CLIP2: variants seen among roughly 807,000 people sequenced by gnomAD.
CLIP2 encodes the protein CAP-Gly domain containing linker protein 2, also known as CAP-Gly domain-containing linker protein 2.
In CLIP2, 41 loss-of-function variants were observed where a neutral mutation model predicts 111.7. That is an observed-to-expected ratio of 0.37 (90% CI 0.29 to 0.48). CLIP2 has a LOEUF of 0.48. Among genes scored for constraint, CLIP2 ranks in the 20% least tolerant of loss-of-function variants. The pLI, the probability that CLIP2 is intolerant of heterozygous loss-of-function variation, is 0.99. For missense variants in CLIP2, 1,160 were observed against 1,422.1 expected, an observed-to-expected ratio of 0.82 and a Z score of 2.96; for synonymous variants, 660 against 644.2, an observed-to-expected ratio of 1.02 and a Z score of -0.37.
At chr7:74,344,506 C>G (rs936447489) in intron 3 of CLIP2, among the ~76,000 whole-genome samples, 1 of 152,078 alleles carries the variant, frequency 6.6e-6, no homozygotes, top group South Asian at 2.1e-4. Flanking sequence ...CTCAACTTCT[C>G]GAGAATCTGG....
intron 1 of CLIP2, among the ~76,000 whole-genome samples, chr7:74,312,941 C>T (rs782657840): frequency 3.9e-5 from 6 of 151,954 alleles, no homozygotes; most frequent in Non-Finnish European, 7.4e-5. Flanking sequence ...ACATTCCTGA[C>T]GCGAGCATTG....
chr7:74,300,726 G>T (rs1239236891), intron 1 of CLIP2, among the ~76,000 whole-genome samples: 1 of 152,172 alleles, frequency 6.6e-6, no homozygotes, highest in Non-Finnish European at 1.5e-5. Context: ...AAAGTGCTGG[G>T]ATTACAGGCG....
At chr7:74,301,153 G>C (rs1222996380) in intron 1 of CLIP2, among the ~76,000 whole-genome samples, 1 of 152,102 alleles carries the variant, frequency 6.6e-6, no homozygotes, top group South Asian at 2.1e-4. Context: ...ATCTCATTGT[G>C]ATTTTAATTT....
intron 2 of CLIP2, among the ~76,000 whole-genome samples, chr7:74,324,822 A>G (rs1789067879): frequency 6.7e-6 from 1 of 149,958 alleles, no homozygotes; most frequent in African/African-American, 2.5e-5. Context: ...TCTTGAGAAA[A>G]AAAAAAAAAA....
chr7:74,368,179 C>T (rs1554311169), intron 8 of CLIP2, among the ~76,000 whole-genome samples: 2 of 151,714 alleles, frequency 1.3e-5, no homozygotes, highest in African/African-American at 4.8e-5. Context: ...CACCACTGTA[C>T]TCCAGCCTGG....
At chr7:74,388,476 G>A (rs1554315224) in intron 12 of CLIP2, among the ~76,000 whole-genome samples, 4 of 149,286 alleles carry the variant, frequency 2.7e-5, no homozygotes, top group African/African-American at 4.9e-5. Flanking sequence ...CTCCTGGGCC[G>A]ACAATAGCAA....
In CLIP2 at chr7:74,289,412, T is replaced by C. The variant is rs1429482628; in HGVS notation, c.-390T>C. 1.3e-5 allele frequency: 2 copies of C among 150,806 alleles called. No homozygotes were observed. The allele number at this position is 150,806 out of a possible 1,614,324, so 9.3% of individuals were successfully genotyped here. On this transcript the variant is annotated 5_prime_UTR_variant, in exon 1 of 17. Transcript: ENST00000223398. ...CGCCCGCCCCTGCGCCGGCCCCTTTTGTTCCCTCCCGGAGCCGGGCCGCTG... is the reference window on the plus strand; with the variant it reads ...CGCCCGCCCCTGCGCCGGCCCCTTTCGTTCCCTCCCGGAGCCGGGCCGCTG...
At chr7:74,345,388 C>T (rs782448169) in intron 3 of CLIP2, among the ~76,000 whole-genome samples, 9 of 152,068 alleles carry the variant, frequency 5.9e-5, no homozygotes, top group Non-Finnish European at 1.2e-4. Flanking sequence ...GCATGCGCCA[C>T]CCACCTGGCT....
chr7:74,400,371 A>T lies in CLIP2; in HGVS notation c.2882A>T (p.Asp961Val), dbSNP rs201506242. The stretch of plus-strand genomic sequence containing the variant: ...CTTCCACTCTCCTGCCACTTCCAGG[A>T]CAAAGAGAAATCCCTGTCGGATCAG... ...RGLREKLTGL[D>V]KEKSLSDQRR... The change falls in exon 15 of 17, where the codon GAC becomes GTC. Residue 961 changes from aspartate to valine, a missense_variant and splice_region_variant. By Grantham distance (152) the Asp-to-Val change is radical (BLOSUM62 -3). Transcript: ENST00000223398. 2 of 1,604,820 alleles carry T rather than the reference A, an allele frequency of 1.2e-6. No individual in the cohort carries two copies. The highest frequency in any genetic ancestry group is 2.7e-5 in the African/African-American group (2 of 74,868).
intron 8 of CLIP2, among the ~76,000 whole-genome samples, chr7:74,370,185 G>A (rs1790574785): frequency 7.2e-6 from 1 of 139,210 alleles, no homozygotes; most frequent in Non-Finnish European, 1.5e-5. Context: ...ATCCAGGCAC[G>A]GTGGCTCATG....
rs13223293 is a variant in CLIP2, at chr7:74,386,716, A to C, written c.2563+112A>C. ...GGCCTGGCTTAGGGTCCCCTCCCCG[A>C]CTCTGCTTTGAGAAGAAAAGGGCTG... On this transcript the variant is annotated intron_variant, in intron 12 of 16. Transcript: ENST00000223398. 1.2e-4 allele frequency: 87 copies of C among 737,330 alleles called. No individual in the cohort carries two copies. The African/African-American group carries it at 1.5e-3, about 13-fold the overall frequency. 45.7% of individuals were successfully genotyped at this position (737,330 alleles called of 1,614,324 possible). A position where few individuals can be genotyped will look rare whatever the true frequency, so the allele number is the denominator to read the frequency against.
chr7:74,376,966 CT>C lies in CLIP2; in HGVS notation c.2421+146del. 1 of 824,342 alleles carries C rather than the reference CT, an allele frequency of 1.2e-6. No homozygotes were observed. The highest frequency in any genetic ancestry group is 1.8e-6 in the Non-Finnish European group (1 of 542,772). The allele number at this position is 824,342 out of a possible 1,614,324, so 51.1% of individuals were successfully genotyped here. On this transcript the variant is annotated intron_variant, in intron 10 of 16. Coordinates refer to ENST00000223398, the MANE Select transcript of CLIP2 (RefSeq NM_003388.5). The surrounding 1 kb of genome is among the most constrained non-coding windows in gnomAD (Gnocchi z 7.1). ...GGCAGTCAAGGAAGGGGTCACCTGG[CT>C]TAGAGGAGGAGGAGCTCCTTGGCCC...
At chr7:74,355,684 A>G (rs1790123847) in intron 4 of CLIP2, among the ~76,000 whole-genome samples, 1 of 152,240 alleles carries the variant, frequency 6.6e-6, no homozygotes, top group Non-Finnish European at 1.5e-5. Context: ...AGGTCTTGAC[A>G]GAAGACGAGA....
chr7:74,323,157 C>A (rs544355254), intron 2 of CLIP2, among the ~76,000 whole-genome samples: 1 of 151,842 alleles, frequency 6.6e-6, no homozygotes, highest in East Asian at 1.9e-4. Flanking sequence ...GTTGCCCAGG[C>A]TGGAGTGCAG....
chr7:74,322,617 C>G (rs1294354404), intron 2 of CLIP2, among the ~76,000 whole-genome samples: 1 of 151,946 alleles, frequency 6.6e-6, no homozygotes, highest in Admixed American at 6.6e-5. Context: ...TTATATTGAC[C>G]AGGATGCACC....
chr7:74,324,921 C>G (rs958749160), intron 2 of CLIP2, among the ~76,000 whole-genome samples: 2 of 152,172 alleles, frequency 1.3e-5, no homozygotes, highest in African/African-American at 4.8e-5. Context: ...CCCTCACCCA[C>G]CCATGCAACT....
At chr7:74,298,713 T>A (rs1438260580) in intron 1 of CLIP2, among the ~76,000 whole-genome samples, 1 of 151,962 alleles carries the variant, frequency 6.6e-6, no homozygotes, top group African/African-American at 2.4e-5. Context: ...TTTGTACTTT[T>A]AGTAGAAATG....
chr7:74,361,170 C>CTTTCCTT (rs1562709904), intron 7 of CLIP2, among the ~76,000 whole-genome samples: 1 of 12,704 alleles, frequency 7.9e-5, no homozygotes, highest in African/African-American at 3.8e-4. Context: ...CTCCCTCCCT[C>CTTTCCTT]CCTTCTTTCC....
chr7:74,403,847 G>T lies in CLIP2; in HGVS notation c.3140G>T (p.Ter1047LeuextTer2). ...DKAQKQEDKH[*>L] Reference sequence around the variant, plus strand: ...CTTTACTCTCTCTAGGACAAGCACTGATCCTGAGGGGATACTGTGGAGCAG... The same window carrying T: ...CTTTACTCTCTCTAGGACAAGCACTTATCCTGAGGGGATACTGTGGAGCAG... Residue 1047 changes from the stop codon to leucine, a stop_lost, in exon 17 of 17, where the codon TGA becomes TTA. Coordinates refer to ENST00000223398, the MANE Select transcript of CLIP2 (RefSeq NM_003388.5). 2 of 1,613,272 alleles carry T rather than the reference G, an allele frequency of 1.2e-6. No homozygotes were observed. Among genetic ancestry groups the T allele is most frequent in the Non-Finnish European group, 1.7e-6 (2 of 1,179,860 alleles).
Sources: gnomAD v4.1 joint callset for allele counts (sites outside exome capture counted in the v4.1 genomes callset) on GRCh38, gnomAD v4.1.1 for gene constraint, Gnocchi (gnomAD v3.1) non-coding constraint, MANE v1.5 for transcripts, NCBI Gene and HGNC (gene_info 2026-07-23, HGNC 2026-07-21) for gene names.